MAX: variants seen among roughly 807,000 people sequenced by gnomAD.
MAX encodes protein max.
MAX carries 3 observed loss-of-function variants against 22.3 expected under a neutral mutation model. That is an observed-to-expected ratio of 0.13 (90% CI 0.06 to 0.35). The LOEUF (loss-of-function observed/expected upper bound fraction) is 0.35, where lower values mean the gene tolerates loss of function less well. Ranked by LOEUF, MAX falls within the 10% of genes least tolerant of loss-of-function variation. The pLI, the probability that MAX is intolerant of heterozygous loss-of-function variation, is 1.00. For synonymous variants in MAX, 72 were observed against 77.7 expected, an observed-to-expected ratio of 0.93 and a Z score of 0.39; for missense variants, 119 against 209.4, an observed-to-expected ratio of 0.57 and a Z score of 2.66.
chr14:65,084,299 G>A lies in MAX; in HGVS notation c.172-6263C>T. The A allele has an allele frequency of 6.7e-7, 1 of 1,499,270 alleles. No homozygotes were observed. Among genetic ancestry groups the A allele is most frequent in the Non-Finnish European group, 9.3e-7 (1 of 1,075,516 alleles). The allele number at this position is 1,499,270 out of a possible 1,614,324, so 92.9% of individuals were successfully genotyped here. On this transcript the variant is annotated intron_variant, in intron 3 of 4. Transcript: ENST00000358664. The surrounding 1 kb of genome is among the most constrained non-coding windows in gnomAD (Gnocchi z 4.3). ...CACAATTTCCAAAAGAGGAAATAGA[G>A]CTAGTAAATAAACATGTGGAAAAGC... is the stretch of plus-strand genomic sequence containing the variant.
chr14:65,098,200 T>C (rs1307407452), intron 2 of MAX, among the ~76,000 whole-genome samples: 7 of 152,224 alleles, frequency 4.6e-5, no homozygotes, highest in African/African-American at 1.4e-4. Flanking sequence ...TTGTTATCAC[T>C]GTAAGCATCA....
intron 3 of MAX, among the ~76,000 whole-genome samples, chr14:65,068,307 C>T (rs947027582): frequency 1.3e-5 from 2 of 152,152 alleles, no homozygotes; most frequent in African/African-American, 4.8e-5. Flanking sequence ...TGGTGGCATA[C>T]ACCTGTAATC....
chr14:65,029,132 T>C lies in MAX; in HGVS notation c.172-22848A>G, dbSNP rs781576501. On this transcript the variant is annotated intron_variant, in intron 3 of 3. Coordinates refer to the MAX transcript ENST00000341653. This position sits in a 1 kb window ranked among gnomAD's most constrained non-coding sequence, Gnocchi z 4.7. ...AGCCATATTCTTCCCTGACCTTTGC[T>C]CTTTGGGTGATGCTCTGCCATTCGT... Among the ~76,000 whole-genome samples, 1 of 152,190 alleles carries C rather than the reference T, an allele frequency of 6.6e-6. No homozygotes were observed. Among genetic ancestry groups the C allele is most frequent in the Non-Finnish European group, 1.5e-5 (1 of 68,032 alleles).
chr14:65,074,981 GGCTTATGGCT>G, downstream of MAX: 1 of 783,518 alleles, frequency 1.3e-6, no homozygotes, highest in Non-Finnish European at 1.6e-6. Flanking sequence ...AAGCAACTCT[GGCTTATGGCT>G]GCTCCTGGTT....
chr14:65,083,911 C>G, intron 3 of MAX: 1 of 1,277,482 alleles, frequency 7.8e-7, no homozygotes, highest in Non-Finnish European at 1.0e-6. Context: ...AAAACCAAAA[C>G]GAAAGAATAT....
At chr14:65,042,189 G>C (rs2062367979) in intron 3 of MAX, among the ~76,000 whole-genome samples, 1 of 152,166 alleles carries the variant, frequency 6.6e-6, no homozygotes, top group Non-Finnish European at 1.5e-5. Context: ...ACCTGGGGTT[G>C]GGGGTGGGAC....
chr14:65,053,940 G>T (rs991296737), intron 3 of MAX, among the ~76,000 whole-genome samples: 6 of 152,160 alleles, frequency 3.9e-5, no homozygotes, highest in African/African-American at 1.4e-4. Flanking sequence ...TTCTAGAGAA[G>T]TGTATCAATT....
chr14:65,043,828 C>CCAAAAA (rs2062410402), intron 3 of MAX, among the ~76,000 whole-genome samples: 1 of 64,234 alleles, frequency 1.6e-5, no homozygotes, highest in African/African-American at 5.7e-5. Context: ...GACTCCGTCT[C>CCAAAAA]AAAAAAAAAA....
intron 3 of MAX, among the ~76,000 whole-genome samples, chr14:65,053,636 A>C (rs968509333): frequency 6.7e-6 from 1 of 148,704 alleles, no homozygotes; most frequent in African/African-American, 2.5e-5. Flanking sequence ...TAAAAAAAAC[A>C]AAAAAAAACT....
intron 3 of MAX, among the ~76,000 whole-genome samples, chr14:65,050,271 T>C (rs531272838): frequency 6.6e-6 from 1 of 152,334 alleles, no homozygotes; most frequent in Non-Finnish European, 1.5e-5. Flanking sequence ...TATTTCTTTT[T>C]ACCATTTTAA....
chr14:65,080,785 G>GA (rs918365136), intron 3 of MAX, among the ~76,000 whole-genome samples: 1 of 152,152 alleles, frequency 6.6e-6, no homozygotes, highest in Non-Finnish European at 1.5e-5. Context: ...CGGGACAAGG[G>GA]AAAAAATGCA....
intron 3 of MAX, among the ~76,000 whole-genome samples, chr14:65,006,630 G>C (rs757370971): frequency 1.3e-5 from 2 of 152,192 alleles, no homozygotes; most frequent in African/African-American, 4.8e-5. Flanking sequence ...TGACTCACCC[G>C]ATCGGGCTGA....
chr14:65,040,187 A>G (rs143244921), intron 3 of MAX, among the ~76,000 whole-genome samples: 1 of 152,120 alleles, frequency 6.6e-6, no homozygotes, highest in African/African-American at 2.4e-5. Context: ...TGTTTCAAAA[A>G]TAAAAGATCA....
At position 65,054,087 on chromosome 14, in the gene MAX, GGGCTGGAGGATGGGGCTTTTATTTTAT is replaced by G. The variant is rs2062674756; in HGVS notation, c.171+39594_171+39620del. On this transcript the variant is annotated intron_variant, in intron 3 of 3. Transcript: ENST00000341653. This position sits in a 1 kb window ranked among gnomAD's most constrained non-coding sequence, Gnocchi z 4.4. ...AAAATACAGTTCCCACTGCTGGGCA[GGGCTGGAGGATGGGGCTTTTATTTTAT>G]TGTATTTTACTTTTTTGAGACAGGG... is the stretch of plus-strand genomic sequence containing the variant. Among the ~76,000 whole-genome samples, 1 of 152,110 alleles carries G rather than the reference GGGCTGGAGGATGGGGCTTTTATTTTAT, an allele frequency of 6.6e-6. No individual in the cohort carries two copies. Among genetic ancestry groups the G allele is most frequent in the African/African-American group, 2.4e-5 (1 of 41,428 alleles).
rs201640099 is a variant in MAX, at chr14:65,015,740, G to C, written c.172-9456C>G. The C allele has an allele frequency of 5.6e-5, 90 of 1,607,178 alleles. 1 individual carries two copies. In the East Asian group the frequency reaches 2.0e-3, roughly 35 times the overall value. On this transcript the variant is annotated intron_variant, in intron 3 of 3. Coordinates refer to the MAX transcript ENST00000341653. The stretch of plus-strand genomic sequence containing the variant: ...GAGTGAGTCTGTCTTTGGGAAATCT[G>C]GGGTGTTCTCTGAAATTGTATTTTG...
At chr14:65,056,641 A>T (rs185288000) in intron 3 of MAX, among the ~76,000 whole-genome samples, 1 of 152,256 alleles carries the variant, frequency 6.6e-6, no homozygotes, top group Admixed American at 6.5e-5. Flanking sequence ...ATTGTCTGCC[A>T]GTTCATATTC....
intron 3 of MAX, among the ~76,000 whole-genome samples, chr14:65,056,847 A>G (rs2062747269): frequency 6.6e-6 from 1 of 152,216 alleles, no homozygotes; most frequent in Non-Finnish European, 1.5e-5. Flanking sequence ...GGTAATGTAT[A>G]AAGACAAGAG....
At position 65,014,223 on chromosome 14, in the gene MAX, T is replaced by G. The variant is rs1035204324; in HGVS notation, c.172-7939A>C. On this transcript the variant is annotated intron_variant, in intron 3 of 3. Transcript: ENST00000341653. The surrounding 1 kb of genome is among the most constrained non-coding windows in gnomAD (Gnocchi z 5.1). The stretch of plus-strand genomic sequence containing the variant: ...ATTTATATATTTTAATTTATAAAAC[T>G]GGGGCAGTACTCCTACCTACCCTGC... Among the ~76,000 whole-genome samples, 21 of 152,226 alleles carry G rather than the reference T, an allele frequency of 1.4e-4. No homozygotes were observed. Among genetic ancestry groups the G allele is most frequent in the African/African-American group, 4.8e-4 (20 of 41,464 alleles).
chr14:65,021,972 A>G, intron 3 of MAX: 1 of 455,976 alleles, frequency 2.2e-6, no homozygotes, highest in Non-Finnish European at 4.4e-6. Context: ...CGACCTGACC[A>G]TTCTTCCAGA....
Sources: gnomAD v4.1 joint callset for allele counts (sites outside exome capture counted in the v4.1 genomes callset) on GRCh38, gnomAD v4.1.1 for gene constraint, Gnocchi (gnomAD v3.1) non-coding constraint, MANE v1.5 for transcripts, NCBI Gene and HGNC (gene_info 2026-07-23, HGNC 2026-07-21) for gene names.